Variants in CTDSPL2 observed in about 807,000 individuals in gnomAD.
CTDSPL2 encodes the protein CTD small phosphatase-like protein 2.
A neutral mutation model predicts 60.0 loss-of-function variants in CTDSPL2; 5 were observed. The observed-to-expected ratio is 0.08, with a 90% confidence interval of 0.04 to 0.18. The LOEUF (loss-of-function observed/expected upper bound fraction) is 0.18. CTDSPL2 is among the 10% of genes least tolerant of loss of function. CTDSPL2 has a pLI of 1.00. For missense variants in CTDSPL2, 370 were observed against 548.8 expected (o/e 0.67, Z 3.26); for synonymous variants, 186 against 189.3 (o/e 0.98, Z 0.14).
intron 8 of CTDSPL2, among the ~76,000 whole-genome samples, chr15:44,502,782 T>A (rs549082447): frequency 6.6e-6 from 1 of 152,336 alleles, no homozygotes; most frequent in East Asian, 1.9e-4. Context: ...AAATTTAAAT[T>A]AGATCCACAG....
intron 1 of CTDSPL2, chr15:44,448,272 C>T: frequency 3.5e-6 from 1 of 285,520 alleles, no homozygotes; most frequent in Non-Finnish European, 7.1e-6. Context: ...TGCCTGTGTG[C>T]TGGATGCTAG....
At chr15:44,518,177 A>C (rs866187937) in intron 10 of CTDSPL2, among the ~76,000 whole-genome samples, 1 of 152,182 alleles carries the variant, frequency 6.6e-6, no homozygotes, top group African/African-American at 2.4e-5. Context: ...TACAGGTCCA[A>C]ATAGGTCCTA....
chr15:44,460,201 C>G (rs2080537422), intron 2 of CTDSPL2, among the ~76,000 whole-genome samples: 1 of 152,182 alleles, frequency 6.6e-6, no homozygotes, highest in South Asian at 2.1e-4. Flanking sequence ...ACCTCTGCCT[C>G]CCGAGTTCAA....
intron 1 of CTDSPL2, among the ~76,000 whole-genome samples, chr15:44,431,146 A>T (rs1383383967): frequency 1.4e-5 from 2 of 146,434 alleles, no homozygotes; most frequent in Non-Finnish European, 3.0e-5. Context: ...TTTTTAATGG[A>T]GACGGGGTCT....
chr15:44,440,649 T>G (rs1210908345), intron 1 of CTDSPL2, among the ~76,000 whole-genome samples: 1 of 151,800 alleles, frequency 6.6e-6, no homozygotes, highest in Non-Finnish European at 1.5e-5. Flanking sequence ...ATTTAATTTC[T>G]GGTTTTTAAA....
chr15:44,496,404 A>G lies in CTDSPL2; in HGVS notation c.716A>G (p.Tyr239Cys). The change falls in exon 6 of 13, where the codon TAT (tyrosine) becomes TGT (cysteine). Residue 239 changes from tyrosine to cysteine, a missense_variant. Around this residue, in one of 6 missense-constraint regions of CTDSPL2, gnomAD observed 287 missense variants for 296.1 expected, o/e 0.97. Transcript: ENST00000260327. ...LTAPVTPDSG[Y>C]SSAHAEATYE... ...GCACCAGTAACTCCAGATAGTGGTT[A>G]TTCATCAGCCCACGCGGAGGCCACC... The G allele has an allele frequency of 6.2e-7, 1 of 1,613,708 alleles. No homozygotes were observed. The highest frequency in any genetic ancestry group is 8.5e-7 in the Non-Finnish European group (1 of 1,179,698).
chr15:44,506,047 T>TTTTTTTTTTTTTTTTTTTTTTTTG (rs2081456855), intron 8 of CTDSPL2, among the ~76,000 whole-genome samples: 1 of 144,724 alleles, frequency 6.9e-6, no homozygotes, highest in African/African-American at 2.7e-5. Context: ...TTTTTTTTTT[T>TTTTTTTTTTTTTTTTTTTTTTTTG]GAGACAGAGT....
At chr15:44,489,908 GATAA>G (rs1348141847) in intron 4 of CTDSPL2, among the ~76,000 whole-genome samples, 1 of 152,108 alleles carries the variant, frequency 6.6e-6, no homozygotes, top group East Asian at 1.9e-4. Context: ...TAGCAATGGA[GATAA>G]ATGAATTCTG....
At chr15:44,434,389 A>G (rs1360115224) in intron 1 of CTDSPL2, among the ~76,000 whole-genome samples, 1 of 152,054 alleles carries the variant, frequency 6.6e-6, no homozygotes, top group Non-Finnish European at 1.5e-5. Flanking sequence ...GCAGAGCAAG[A>G]CTCAGTCTCA....
intron 1 of CTDSPL2, among the ~76,000 whole-genome samples, chr15:44,444,033 G>C (rs555159842): frequency 2.6e-5 from 4 of 151,956 alleles, no homozygotes; most frequent in Non-Finnish European, 5.9e-5. Flanking sequence ...TTCCCAAGTA[G>C]TAGCTAGTAC....
intron 1 of CTDSPL2, among the ~76,000 whole-genome samples, chr15:44,455,265 G>T (rs1163434052): frequency 2.6e-5 from 4 of 152,194 alleles, no homozygotes; most frequent in Non-Finnish European, 5.9e-5. Flanking sequence ...TTTGCACATT[G>T]ATTTTGTATC....
intron 7 of CTDSPL2, among the ~76,000 whole-genome samples, chr15:44,499,101 C>T (rs1262711479): frequency 1.3e-5 from 2 of 151,734 alleles, no homozygotes; most frequent in African/African-American, 4.8e-5. Context: ...TGTCAGAATC[C>T]GAAGGGCTTC....
At chr15:44,460,856 TC>T (rs1387554349) in intron 2 of CTDSPL2, among the ~76,000 whole-genome samples, 4 of 152,218 alleles carry the variant, frequency 2.6e-5, no homozygotes, top group African/African-American at 9.6e-5. Flanking sequence ...AACCTGAATT[TC>T]CATCTCTATA....
At chr15:44,498,329 A>T (rs1198016964) in intron 7 of CTDSPL2, among the ~76,000 whole-genome samples, 1 of 152,162 alleles carries the variant, frequency 6.6e-6, no homozygotes, top group Non-Finnish European at 1.5e-5. Context: ...TATCTTAGCC[A>T]GGCACAGTGG....
intron 1 of CTDSPL2, among the ~76,000 whole-genome samples, chr15:44,445,813 A>G (rs1238857250): frequency 2.2e-5 from 3 of 138,978 alleles, no homozygotes; most frequent in African/African-American, 8.2e-5. Context: ...AATTTTTTGT[A>G]TTTTTAGTAG....
chr15:44,478,423 G>A (rs1399809822), intron 2 of CTDSPL2, among the ~76,000 whole-genome samples: 3 of 112,412 alleles, frequency 2.7e-5, no homozygotes, highest in South Asian at 3.1e-4. Flanking sequence ...CTGCACTTCA[G>A]CCTGGGCAAG....
intron 8 of CTDSPL2, among the ~76,000 whole-genome samples, chr15:44,505,036 A>G (rs573839795): frequency 6.6e-6 from 1 of 152,316 alleles, no homozygotes; most frequent in East Asian, 1.9e-4. Context: ...AAAAGATACA[A>G]ATGAAACCAA....
intron 5 of CTDSPL2, among the ~76,000 whole-genome samples, chr15:44,492,231 G>C (rs2081228172): frequency 6.6e-6 from 1 of 152,126 alleles, no homozygotes; most frequent in Non-Finnish European, 1.5e-5. Context: ...AATTACTCAG[G>C]AGGCTGAAGT....
rs1301577468 is a variant in CTDSPL2 at position 44,465,832 on chromosome 15, G to C, written c.186+6632G>C. ...GGTTTTAAGCGATTCTCCTGCCTCA[G>C]CTTCCTGAGTAACTGGGATTACAGG... On this transcript the variant is annotated intron_variant, in intron 2 of 12. Transcript: ENST00000260327. Among the ~76,000 whole-genome samples the C allele has an allele frequency of 2.0e-5, 3 of 150,568 alleles. No homozygotes were observed. In the Admixed American group the frequency reaches 2.0e-4, roughly 10 times the overall value.
Sources: allele counts gnomAD v4.1 joint callset (sites outside exome capture counted in the v4.1 genomes callset), GRCh38; gene constraint gnomAD v4.1.1; regional missense constraint gnomAD v4.1.1; transcripts MANE v1.5; gene names NCBI Gene and HGNC (gene_info 2026-07-23, HGNC 2026-07-21).